The following PIK3C2G variants were observed in gnomAD, a reference collection of about 807,000 sequenced individuals.
PIK3C2G encodes phosphatidylinositol 3-kinase C2 domain-containing subunit gamma.
PIK3C2G carries 168 observed loss-of-function variants against 181.1 expected under a neutral mutation model. The ratio of observed to expected loss-of-function variants is 0.93; its 90% CI spans 0.82 to 1.05. PIK3C2G has a LOEUF of 1.05. Ranked by LOEUF, PIK3C2G falls within the 50% of genes least tolerant of loss-of-function variation. The probability of loss-of-function intolerance (pLI) is 0.00; values close to 1 mark genes in which losing one functional copy is unlikely to be tolerated. For missense variants in PIK3C2G, 1,869 were observed against 1,732.8 expected (o/e 1.08, Z -1.40); for synonymous variants, 573 against 592.2 (o/e 0.97, Z 0.47).
the PIK3C2G span, among the ~76,000 whole-genome samples, chr12:18,673,032 G>C: frequency 1.1e-4 from 17 of 152,110 alleles, no homozygotes; most frequent in African/African-American, 3.6e-4. Flanking sequence ...AAATACAGAA[G>C]TGTTTGCCAA....
chr12:18,409,605 T>C (rs561126396), intron 16 of PIK3C2G, among the ~76,000 whole-genome samples: 2 of 152,142 alleles, frequency 1.3e-5, no homozygotes, highest in East Asian at 1.9e-4. Flanking sequence ...GTAGTTTAGG[T>C]GTCAGAGAAT....
chr12:18,319,155 A>G (rs1001842580), intron 6 of PIK3C2G, among the ~76,000 whole-genome samples: 3 of 152,208 alleles, frequency 2.0e-5, no homozygotes, highest in Admixed American at 1.3e-4. Context: ...TCAAAATTTT[A>G]AAGCTGCTAC....
intron 29 of PIK3C2G, among the ~76,000 whole-genome samples, chr12:18,581,648 A>C (rs570177918): frequency 1.3e-3 from 204 of 152,320 alleles, no homozygotes; most frequent in African/African-American, 4.7e-3. Context: ...GTTTGAATCT[A>C]AACCCACTAC....
chr12:18,643,866 C>G lies in PIK3C2G; in HGVS notation c.4308+3312C>G, dbSNP rs147112241. Reference sequence around the variant, plus strand: ...ACCACTCACCACAGCTGGGATTTCTCAAACTGTAAAAGCCGTGTACTGTTC... The same window carrying G: ...ACCACTCACCACAGCTGGGATTTCTGAAACTGTAAAAGCCGTGTACTGTTC... On this transcript the variant is annotated intron_variant, in intron 32 of 32. Transcript: ENST00000538779. Among the ~76,000 whole-genome samples the G allele has an allele frequency of 3.4e-3, 525 of 152,192 alleles. 1 individual carries two copies. Among genetic ancestry groups the G allele is most frequent in the African/African-American group, 0.012 (503 of 41,538 alleles).
intron 16 of PIK3C2G, among the ~76,000 whole-genome samples, chr12:18,417,277 C>A (rs904016328): frequency 6.6e-6 from 1 of 152,116 alleles, no homozygotes; most frequent in Non-Finnish European, 1.5e-5. Context: ...ATAGAATTTA[C>A]TCCTGGTGAA....
chr12:18,376,567 G>C (rs1942452259), intron 13 of PIK3C2G, among the ~76,000 whole-genome samples: 1 of 152,152 alleles, frequency 6.6e-6, no homozygotes, highest in Admixed American at 6.6e-5. Context: ...TATTGAGAAG[G>C]CATGATTGTA....
chr12:18,683,189 G>A, the PIK3C2G span: 1 of 1,457,456 alleles, frequency 6.9e-7, no homozygotes, highest in Middle Eastern at 1.7e-4. Flanking sequence ...ATTCATTTTG[G>A]CTGTTTTATT....
At chr12:18,253,309 G>A (rs1031663164) in intron 1 of PIK3C2G, among the ~76,000 whole-genome samples, 1 of 152,224 alleles carries the variant, frequency 6.6e-6, no homozygotes, top group Admixed American at 6.5e-5. Flanking sequence ...AGTCACGGTA[G>A]AAGTAATACA....
rs143177839 is a variant in PIK3C2G at position 18,471,347 on chromosome 12, T to C, written c.2505-17102T>C. Among the ~76,000 whole-genome samples, 13 of 152,306 alleles carry C rather than the reference T, an allele frequency of 8.5e-5. No homozygotes were observed. The East Asian group carries it at 2.3e-3, about 27-fold the overall frequency. Reference sequence around the variant, plus strand: ...CTCCTCTCTACTCAAAAATCTTGAATGTATATATACTGCTCTCCCCGGTGC... The same window carrying C: ...CTCCTCTCTACTCAAAAATCTTGAACGTATATATACTGCTCTCCCCGGTGC... On this transcript the variant is annotated intron_variant, in intron 18 of 32. Transcript: ENST00000538779.
At chr12:18,526,088 T>A (rs1297356214) in intron 24 of PIK3C2G, among the ~76,000 whole-genome samples, 1 of 152,198 alleles carries the variant, frequency 6.6e-6, no homozygotes, top group Non-Finnish European at 1.5e-5. Context: ...AATTTCTAAT[T>A]TGAGTATTAC....
intron 29 of PIK3C2G, among the ~76,000 whole-genome samples, chr12:18,575,027 G>C (rs1239689299): frequency 6.6e-6 from 1 of 152,200 alleles, no homozygotes; most frequent in East Asian, 1.9e-4. Flanking sequence ...GTGCCTCCTA[G>C]TTCAGTAATA....
At chr12:18,339,919 T>C (rs995431019) in intron 9 of PIK3C2G, among the ~76,000 whole-genome samples, 1 of 152,122 alleles carries the variant, frequency 6.6e-6, no homozygotes, top group Admixed American at 6.6e-5. Context: ...AAAATTTAAA[T>C]AATGTAAACA....
chr12:18,548,704 T>A (rs1944570741), intron 26 of PIK3C2G, among the ~76,000 whole-genome samples: 1 of 152,088 alleles, frequency 6.6e-6, no homozygotes, highest in East Asian at 1.9e-4. Context: ...TGGTATGTTC[T>A]GTTAATTAAA....
chr12:18,509,237 A>G (rs1445328619), intron 24 of PIK3C2G, among the ~76,000 whole-genome samples: 2 of 152,012 alleles, frequency 1.3e-5, no homozygotes, highest in East Asian at 1.9e-4. Context: ...TAGTAGAGAC[A>G]GGGTTTCACT....
At chr12:18,537,604 A>G (rs1215573120) in intron 24 of PIK3C2G, among the ~76,000 whole-genome samples, 1 of 152,058 alleles carries the variant, frequency 6.6e-6, no homozygotes, top group African/African-American at 2.4e-5. Flanking sequence ...CTTTCTGACC[A>G]GCGTTTTTAC....
At chr12:18,279,332 A>G (rs931813556) in intron 1 of PIK3C2G, among the ~76,000 whole-genome samples, 1 of 152,070 alleles carries the variant, frequency 6.6e-6, no homozygotes, top group Non-Finnish European at 1.5e-5. Context: ...GAATATCTAC[A>G]TATCTAAAGC....
At chr12:18,302,398 G>A (rs1950212421) in intron 5 of PIK3C2G, among the ~76,000 whole-genome samples, 2 of 152,182 alleles carry the variant, frequency 1.3e-5, no homozygotes, top group African/African-American at 2.4e-5. Flanking sequence ...TTGTGTGAAT[G>A]GGTTCCAGCA....
chr12:18,606,075 AC>A (rs1948003854), intron 30 of PIK3C2G, among the ~76,000 whole-genome samples: 1 of 152,140 alleles, frequency 6.6e-6, no homozygotes, highest in Non-Finnish European at 1.5e-5. Flanking sequence ...TACATTGACT[AC>A]TGAGTGTCAA....
At chr12:18,684,885 G>T in the PIK3C2G span, among the ~76,000 whole-genome samples, 2 of 151,894 alleles carry the variant, frequency 1.3e-5, no homozygotes, top group Non-Finnish European at 2.9e-5. Context: ...GTACTCATGA[G>T]ATCTGATGGT....
Sources: gnomAD v4.1 joint callset for allele counts (sites outside exome capture counted in the v4.1 genomes callset) on GRCh38, gnomAD v4.1.1 for gene constraint, MANE v1.5 for transcripts, NCBI Gene and HGNC (gene_info 2026-07-23, HGNC 2026-07-21) for gene names.